HDAC9: variants seen among roughly 807,000 people sequenced by gnomAD.
The protein encoded by HDAC9 is MEF-2 interacting transcription repressor (MITR) protein.
A neutral mutation model predicts 139.4 loss-of-function variants in HDAC9; 41 were observed. That is an observed-to-expected ratio of 0.29 (90% CI 0.23 to 0.38). The LOEUF is 0.38. Ranked by LOEUF, HDAC9 falls within the 10% of genes least tolerant of loss-of-function variation. The pLI is 1.00. For synonymous variants in HDAC9, 517 were observed against 476.2 expected, an observed-to-expected ratio of 1.09 and a Z score of -1.12; for missense variants, 1,147 against 1,297.0, an observed-to-expected ratio of 0.88 and a Z score of 1.78.
intron 9 of HDAC9, among the ~76,000 whole-genome samples, chr7:18,645,815 G>A (rs891732115): frequency 1.3e-5 from 2 of 152,102 alleles, no homozygotes; most frequent in South Asian, 2.1e-4. Context: ...AGTTGAATGT[G>A]TCAAGTTCAC....
chr7:18,868,695 A>G (rs548980321), intron 21 of HDAC9, among the ~76,000 whole-genome samples: 148 of 152,202 alleles, frequency 9.7e-4, no homozygotes, highest in Non-Finnish European at 1.7e-3. Context: ...AAGTAATGTC[A>G]TTAAAAGTAA....
At chr7:18,980,109 T>A (rs1227788172) in intron 25 of HDAC9, among the ~76,000 whole-genome samples, 3 of 152,140 alleles carry the variant, frequency 2.0e-5, no homozygotes, top group African/African-American at 7.2e-5. Context: ...CATTTATCTT[T>A]CCTCCTCTTC....
chr7:18,928,809 TTGA>T (rs1196278629), intron 22 of HDAC9, among the ~76,000 whole-genome samples: 8 of 150,506 alleles, frequency 5.3e-5, no homozygotes, highest in South Asian at 2.1e-4. Flanking sequence ...TTATAATTAT[TTGA>T]TGATGATCAT....
intron 2 of HDAC9, chr7:18,496,825 T>G (rs1797067419): frequency 6.6e-6 from 1 of 152,504 alleles, no homozygotes; most frequent in African/African-American, 2.4e-5. Context: ...AGTTTTCTTT[T>G]TTCCATTATG....
rs549084378 is a variant in HDAC9, at chr7:18,962,195, G to A, written c.3022+7965G>A. Among the ~76,000 whole-genome samples the A allele has an allele frequency of 1.6e-4, 24 of 152,282 alleles. 1 individual carries two copies. The South Asian group carries it at 4.6e-3, about 29-fold the overall frequency. ...AGTTTAAAGCCCTGACTGTTGTCAG[G>A]TGGGAGCTGCTATTTGTCATATATT... On this transcript the variant is annotated intron_variant, in intron 24 of 25. Transcript: ENST00000686413.
chr7:18,106,211 A>G (rs1367927686), intron 1 of HDAC9, among the ~76,000 whole-genome samples: 1 of 152,226 alleles, frequency 6.6e-6, no homozygotes, highest in Non-Finnish European at 1.5e-5. Context: ...ATTTTTAGGT[A>G]TGTGAATGAT....
chr7:18,895,091 G>T (rs1801060078), intron 22 of HDAC9, among the ~76,000 whole-genome samples: 1 of 152,058 alleles, frequency 6.6e-6, no homozygotes, highest in South Asian at 2.1e-4. Flanking sequence ...TGAAAAAGGG[G>T]ATCTACTAGC....
chr7:18,111,203 T>C (rs1466906359), intron 1 of HDAC9, among the ~76,000 whole-genome samples: 19 of 152,194 alleles, frequency 1.2e-4, no homozygotes. Context: ...TTAGTAAGTA[T>C]AGAAGAAGGG....
chr7:18,535,722 C>CAAAAAAA (rs72123660), intron 2 of HDAC9, among the ~76,000 whole-genome samples: 4 of 49,232 alleles, frequency 8.1e-5, no homozygotes, highest in Admixed American at 3.1e-4. Context: ...AGGCATTAAG[C>CAAAAAAA]AAAAAAAAAA....
intron 3 of HDAC9, 113 bp from the exon 4 acceptor site, chr7:18,590,223 A>G: frequency 9.0e-7 from 1 of 1,107,398 alleles, no homozygotes. Flanking sequence ...GTGGGTACAA[A>G]TATGAACTAA....
intron 1 of HDAC9, among the ~76,000 whole-genome samples, chr7:18,483,317 A>G (rs1303344796): frequency 6.6e-6 from 1 of 152,240 alleles, no homozygotes; most frequent in Non-Finnish European, 1.5e-5. Context: ...GTGCGAAAGC[A>G]TTGATATACA....
chr7:18,213,347 T>G (rs972369782), intron 2 of HDAC9, among the ~76,000 whole-genome samples: 1 of 152,182 alleles, frequency 6.6e-6, no homozygotes, highest in African/African-American at 2.4e-5. Flanking sequence ...ATTTTTCATA[T>G]TTGAAATTAT....
chr7:18,386,113 C>T (rs1785906253), intron 1 of HDAC9, among the ~76,000 whole-genome samples: 1 of 152,120 alleles, frequency 6.6e-6, no homozygotes, highest in Non-Finnish European at 1.5e-5. Context: ...TGGTGAAAGC[C>T]ATTCAGGCTC....
At chr7:18,399,422 C>A (rs1787338221) in intron 1 of HDAC9, among the ~76,000 whole-genome samples, 1 of 152,156 alleles carries the variant, frequency 6.6e-6, no homozygotes, top group South Asian at 2.1e-4. Flanking sequence ...AAAGGAAGAA[C>A]TAAATTGTAT....
intron 21 of HDAC9, 21 bp from the exon 22 acceptor site, chr7:18,874,457 G>A (rs565188843): frequency 1.7e-5 from 26 of 1,495,506 alleles, no homozygotes; most frequent in East Asian, 1.4e-4. Context: ...ACGTGTGACC[G>A]GTTGCATTTT....
chr7:18,952,433 A>G (rs1433468043), intron 23 of HDAC9, among the ~76,000 whole-genome samples: 1 of 151,994 alleles, frequency 6.6e-6, no homozygotes, highest in Non-Finnish European at 1.5e-5. Flanking sequence ...CCCCAAAGTC[A>G]CAGGGAAGCT....
chr7:18,394,290 A>G (rs79062922), intron 1 of HDAC9, among the ~76,000 whole-genome samples: 7,969 of 151,842 alleles, frequency 0.052, 323 homozygotes, highest in African/African-American at 0.11. Flanking sequence ...TTAACAAATT[A>G]AAATAGAGGC....
At chr7:18,630,244 A>G (rs1050758016) in intron 7 of HDAC9, among the ~76,000 whole-genome samples, 2 of 152,060 alleles carry the variant, frequency 1.3e-5, no homozygotes, top group Non-Finnish European at 2.9e-5. Flanking sequence ...TACTGTATCT[A>G]GTTGTTTCCT....
chr7:18,487,535 A>G (rs1365333666), intron 1 of HDAC9, among the ~76,000 whole-genome samples: 4 of 152,062 alleles, frequency 2.6e-5, no homozygotes, highest in African/African-American at 9.7e-5. Context: ...AGAAGATTCC[A>G]TAACCATAGG....
Sources: gnomAD v4.1 joint callset for allele counts (sites outside exome capture counted in the v4.1 genomes callset) on GRCh38, gnomAD v4.1.1 for gene constraint, MANE v1.5 for transcripts, NCBI Gene and HGNC (gene_info 2026-07-23, HGNC 2026-07-21) for gene names.